TMCO4: variants seen among roughly 807,000 people sequenced by gnomAD.
The protein encoded by TMCO4 is transmembrane and coiled-coil domains 4.
A neutral mutation model predicts 64.7 loss-of-function variants in TMCO4; 58 were observed. The ratio of observed to expected loss-of-function variants is 0.90; its 90% CI spans 0.73 to 1.12. TMCO4 has a LOEUF of 1.12. Among genes scored for constraint, TMCO4 ranks in the 50% most tolerant of loss-of-function variants. TMCO4 has a pLI of 0.00. For synonymous variants in TMCO4, 325 were observed against 346.1 expected (o/e 0.94, Z 0.68); for missense variants, 780 against 825.9 (o/e 0.94, Z 0.68).
chr1:19,686,551 C>T (rs1346927690), intron 15 of TMCO4, among the ~76,000 whole-genome samples: 1 of 152,246 alleles, frequency 6.6e-6, no homozygotes, highest in Admixed American at 6.5e-5. Context: ...ACCTCTCGTT[C>T]CTTTCCTCAC....
At chr1:19,702,063 G>A (rs1379376922) in intron 13 of TMCO4, among the ~76,000 whole-genome samples, 5 of 152,022 alleles carry the variant, frequency 3.3e-5, no homozygotes, top group Non-Finnish European at 7.4e-5. Flanking sequence ...TCCGCCTCCT[G>A]GGTTCACACC....
chr1:19,682,894 C>T lies in TMCO4; in HGVS notation c.*146G>A. 1 of 1,174,634 alleles carries T rather than the reference C, an allele frequency of 8.5e-7. No homozygotes were observed. Among genetic ancestry groups the T allele is most frequent in the Non-Finnish European group, 1.2e-6 (1 of 822,478 alleles). 72.8% of individuals were successfully genotyped at this position (1,174,634 alleles called of 1,614,324 possible). Reference sequence around the variant, plus strand: ...CTCCAAATTCCCCTTCCTTCCATTTCCTTTCCCTTTCAGTTCCAATTCCTT... The same window carrying T: ...CTCCAAATTCCCCTTCCTTCCATTTTCTTTCCCTTTCAGTTCCAATTCCTT... On this transcript the variant is annotated 3_prime_UTR_variant, in exon 16 of 16. Coordinates refer to ENST00000294543, the MANE Select transcript of TMCO4 (RefSeq NM_181719.7).
chr1:19,686,448 A>G (rs2095150223), intron 15 of TMCO4, among the ~76,000 whole-genome samples: 1 of 152,262 alleles, frequency 6.6e-6, no homozygotes, highest in African/African-American at 2.4e-5. Flanking sequence ...TTTGAATTGC[A>G]AATCACACTG....
rs1459612855 is a variant in TMCO4, at chr1:19,771,452, C to T, written c.210G>A (p.Leu70=). Residue 70 remains leucine (L), a synonymous_variant, in exon 5 of 16, where the codon CTG becomes CTA. Coordinates refer to ENST00000294543, the MANE Select transcript of TMCO4 (RefSeq NM_181719.7). ...SSFCTEFMAG[L]VQWLELSEAV... ...CTTCAGACAACTCCAGCCACTGCAC[C>T]AGGCCTGCCATGAACTCTGTGCAGA... 4 of 1,614,112 alleles carry T rather than the reference C, an allele frequency of 2.5e-6. No homozygotes were observed. The highest frequency in any genetic ancestry group is 1.7e-5 in the Admixed American group (1 of 60,014).
At chr1:19,686,932 C>T (rs2095153769) in intron 15 of TMCO4, among the ~76,000 whole-genome samples, 1 of 147,926 alleles carries the variant, frequency 6.8e-6, no homozygotes, top group Admixed American at 6.8e-5. Context: ...CTATATGATC[C>T]AAAACACTTT....
At chr1:19,711,358 G>T (rs937423161) in intron 13 of TMCO4, among the ~76,000 whole-genome samples, 1 of 152,146 alleles carries the variant, frequency 6.6e-6, no homozygotes, top group African/African-American at 2.4e-5. Context: ...GATGCAAGAC[G>T]CCTGGCTTTT....
chr1:19,781,153 A>G (rs2043455363), intron 3 of TMCO4, among the ~76,000 whole-genome samples: 1 of 151,504 alleles, frequency 6.6e-6, no homozygotes, highest in African/African-American at 2.4e-5. Flanking sequence ...TCAAAAAAAA[A>G]AAAAAAAAAA....
In TMCO4 at chr1:19,791,032, A is replaced by C. The variant is rs541292959; in HGVS notation, c.-100-3915T>G. ...AGGGATATGGATGGAGCTGGGAGCC[A>C]TTATCCTCAGCAAACTAATTCAGTA... On this transcript the variant is annotated intron_variant, in intron 2 of 15. Coordinates refer to ENST00000294543, the MANE Select transcript of TMCO4 (RefSeq NM_181719.7). Among the ~76,000 whole-genome samples, 260 of 152,350 alleles carry C rather than the reference A, an allele frequency of 1.7e-3. 1 individual carries two copies. The highest frequency in any genetic ancestry group is 5.9e-3 in the African/African-American group (245 of 41,574).
At chr1:19,747,104 G>T in intron 8 of TMCO4, 59 bp downstream of exon 8, 1 of 1,555,596 alleles carries the variant, frequency 6.4e-7, no homozygotes. Context: ...CCCACAGCCT[G>T]GCATCATTTC....
chr1:19,702,834 C>A (rs2095281805), intron 13 of TMCO4, among the ~76,000 whole-genome samples: 1 of 152,146 alleles, frequency 6.6e-6, no homozygotes, highest in Non-Finnish European at 1.5e-5. Flanking sequence ...GAGAAGCCAA[C>A]ATGTCTTTTA....
intron 13 of TMCO4, among the ~76,000 whole-genome samples, chr1:19,705,079 C>A (rs1301516377): frequency 7.2e-5 from 11 of 152,188 alleles, no homozygotes; most frequent in Admixed American, 3.3e-4. Context: ...TTGGCAAGAA[C>A]CACCTTAGAC....
In TMCO4 at chr1:19,780,452, C is replaced by T. The variant is rs536311502; in HGVS notation, c.179+128G>A. 6.9e-6 allele frequency: 8 copies of T among 1,164,470 alleles called. No homozygotes were observed. In the Admixed American group the frequency reaches 1.2e-4, roughly 18 times the overall value. 72.1% of individuals were successfully genotyped at this position (1,164,470 alleles called of 1,614,324 possible). On this transcript the variant is annotated intron_variant, in intron 4 of 15. Coordinates refer to ENST00000294543, the MANE Select transcript of TMCO4 (RefSeq NM_181719.7). ...ACGGCCTGGAGGTTAGAGACCCCTG[C>T]GTTAGAGGCAAGGACAATGACTTGC...
intron 6 of TMCO4, 123 bp downstream of exon 6, chr1:19,770,419 T>A: frequency 9.8e-7 from 1 of 1,015,514 alleles, no homozygotes. Context: ...CAGGTTCCTT[T>A]CCTTCCTGAA....
In TMCO4 at chr1:19,746,096, C is replaced by T. The variant is rs556186510; in HGVS notation, c.757+360G>A. ...TGGAGGAGTGGGAGGGGGGCTGCTG[C>T]TGACAGATATCATTTGGAAAAACTC... On this transcript the variant is annotated intron_variant, in intron 9 of 15. Coordinates refer to ENST00000294543, the MANE Select transcript of TMCO4 (RefSeq NM_181719.7). Among the ~76,000 whole-genome samples the T allele has an allele frequency of 2.6e-5, 4 of 152,284 alleles. No homozygotes were observed. The South Asian group carries it at 8.3e-4, about 32-fold the overall frequency.
chr1:19,746,947 G>A (rs1280618367), intron 8 of TMCO4, among the ~76,000 whole-genome samples: 3 of 127,564 alleles, frequency 2.4e-5, no homozygotes, highest in Middle Eastern at 4.2e-3. Context: ...AAAAAAAAAC[G>A]TGGCTTGATG....
At chr1:19,786,782 AT>A (rs2043765532) in intron 3 of TMCO4, among the ~76,000 whole-genome samples, 2 of 152,360 alleles carry the variant, frequency 1.3e-5, no homozygotes, top group South Asian at 4.1e-4. Context: ...TCTCTAAAGA[AT>A]TTTAAAAACC....
At chr1:19,742,562 C>T (rs1001204151) in intron 10 of TMCO4, among the ~76,000 whole-genome samples, 3 of 152,262 alleles carry the variant, frequency 2.0e-5, no homozygotes, top group East Asian at 3.9e-4. Context: ...GGATCAACTG[C>T]CTCTAATTAT....
chr1:19,694,970 C>T (rs539926740), intron 14 of TMCO4, among the ~76,000 whole-genome samples: 1 of 152,316 alleles, frequency 6.6e-6, no homozygotes, highest in South Asian at 2.1e-4. Context: ...GTCCAGGGCT[C>T]CCTGGAAAAA....
chr1:19,782,672 G>A (rs2043546454), intron 3 of TMCO4, among the ~76,000 whole-genome samples: 3 of 152,182 alleles, frequency 2.0e-5, no homozygotes, highest in Admixed American at 2.0e-4. Flanking sequence ...AGTAGGAAGA[G>A]GAGGGAGAGA....
Sources: allele counts gnomAD v4.1 joint callset (sites outside exome capture counted in the v4.1 genomes callset), GRCh38; gene constraint gnomAD v4.1.1; transcripts MANE v1.5; gene names NCBI Gene and HGNC (gene_info 2026-07-23, HGNC 2026-07-21).